The following TBXAS1 variants were observed in gnomAD, a reference collection of about 807,000 sequenced individuals.
TBXAS1 encodes the protein thromboxane-A synthase.
TBXAS1 carries 48 observed loss-of-function variants against 60.7 expected under a neutral mutation model. The observed-to-expected ratio is 0.79, with a 90% CI of 0.63 to 1.01. TBXAS1 has a LOEUF of 1.01. Ranked by LOEUF, TBXAS1 falls within the 50% of genes least tolerant of loss-of-function variation. The pLI is 0.00. For synonymous variants in TBXAS1, 287 were observed against 269.7 expected (o/e 1.06, Z -0.63); for missense variants, 685 against 686.3 (o/e 1.00, Z 0.02).
intron 9 of TBXAS1, among the ~76,000 whole-genome samples, chr7:139,986,506 C>T (rs955803214): frequency 6.6e-6 from 1 of 151,314 alleles, no homozygotes; most frequent in Non-Finnish European, 1.5e-5. Flanking sequence ...GTCTTTTATC[C>T]CTCACCCCCT....
chr7:139,825,315 C>T (rs73733506), upstream of TBXAS1, among the ~76,000 whole-genome samples: 9,316 of 152,140 alleles, frequency 0.061, 951 homozygotes, highest in African/African-American at 0.21. Context: ...AGTAAAAACC[C>T]CGAGCATCTC....
intron 4 of TBXAS1, among the ~76,000 whole-genome samples, chr7:139,788,612 G>C (rs1797275636): frequency 6.6e-6 from 1 of 152,218 alleles, no homozygotes; most frequent in African/African-American, 2.4e-5. Flanking sequence ...CAATTCTCTT[G>C]TACTTTGGAG....
intron 9 of TBXAS1, among the ~76,000 whole-genome samples, chr7:139,968,336 C>T (rs1810943671): frequency 6.6e-6 from 1 of 152,146 alleles, no homozygotes; most frequent in South Asian, 2.1e-4. Context: ...GCTCTGTCGC[C>T]CAGGCTGGTG....
chr7:139,965,793 T>C (rs1380144204), intron 9 of TBXAS1, among the ~76,000 whole-genome samples: 4 of 152,220 alleles, frequency 2.6e-5, no homozygotes, highest in African/African-American at 9.6e-5. Flanking sequence ...GTCACAATAA[T>C]GTTGCTTTGC....
chr7:139,942,613 C>T (rs1445863717), intron 5 of TBXAS1, among the ~76,000 whole-genome samples: 2 of 152,132 alleles, frequency 1.3e-5, no homozygotes, highest in Non-Finnish European at 2.9e-5. Context: ...CTGATGGTAC[C>T]CCATTGAGCA....
chr7:139,883,352 C>T (rs776359980), intron 3 of TBXAS1, among the ~76,000 whole-genome samples: 3 of 152,150 alleles, frequency 2.0e-5, no homozygotes, highest in East Asian at 1.9e-4. Flanking sequence ...ATCCAAAGAC[C>T]CTTCTGAAGT....
chr7:139,876,122 T>G (rs565748416), intron 3 of TBXAS1, among the ~76,000 whole-genome samples: 1 of 152,322 alleles, frequency 6.6e-6, no homozygotes, highest in East Asian at 1.9e-4. Context: ...AGTTCCCTTT[T>G]GAAAGTGAAA....
At chr7:139,821,225 G>C (rs1164301998) in intron 4 of TBXAS1, among the ~76,000 whole-genome samples, 2 of 152,170 alleles carry the variant, frequency 1.3e-5, no homozygotes, top group African/African-American at 4.8e-5. Flanking sequence ...ATGGGATGAG[G>C]TTAATGGAGA....
intron 8 of TBXAS1, among the ~76,000 whole-genome samples, chr7:139,958,601 T>C (rs1810064404): frequency 6.6e-6 from 1 of 152,154 alleles, no homozygotes; most frequent in African/African-American, 2.4e-5. Flanking sequence ...CTCAGAGGAA[T>C]TGGTGAGGGC....
chr7:139,788,066 A>G (rs1039223983), intron 4 of TBXAS1, among the ~76,000 whole-genome samples: 1 of 152,224 alleles, frequency 6.6e-6, no homozygotes, highest in African/African-American at 2.4e-5. Flanking sequence ...ATCTGCAACA[A>G]TTGTCAATCT....
intron 3 of TBXAS1, among the ~76,000 whole-genome samples, chr7:139,892,191 C>T (rs934456156): frequency 2.0e-5 from 3 of 152,152 alleles, no homozygotes; most frequent in South Asian, 4.1e-4. Flanking sequence ...GCTGGCCGTA[C>T]CAGAAAGAGC....
chr7:139,849,691 G>A (rs997174433), intron 1 of TBXAS1, among the ~76,000 whole-genome samples: 28 of 152,190 alleles, frequency 1.8e-4, no homozygotes, highest in African/African-American at 6.5e-4. Flanking sequence ...TGGGGGATGG[G>A]ATGGGGCGGG....
chr7:139,973,555 CTTTTTT>C (rs8192843), intron 9 of TBXAS1, among the ~76,000 whole-genome samples: 1 of 137,506 alleles, frequency 7.3e-6, no homozygotes, highest in South Asian at 2.3e-4. Context: ...GGTGAGCTTT[CTTTTTT>C]TTTTTTTTTT....
Position 139,985,072 on chromosome 7 carries a change from T to A in TBXAS1, c.1135-22019T>A, listed in dbSNP as rs184709377. ...TCCCCAGGATTCTGCTGGAGATCAT[T>A]CTGCCAGTCACTCCAGGAGCGAGGG... On this transcript the variant is annotated intron_variant, in intron 9 of 12. Transcript: ENST00000448866. Among the ~76,000 whole-genome samples, 196 of 152,316 alleles carry A rather than the reference T, an allele frequency of 1.3e-3. 1 individual carries two copies. The highest frequency in any genetic ancestry group is 4.6e-3 in the African/African-American group (190 of 41,564).
intron 9 of TBXAS1, among the ~76,000 whole-genome samples, chr7:139,966,328 C>T (rs1810783476): frequency 1.3e-5 from 2 of 152,224 alleles, no homozygotes; most frequent in South Asian, 4.1e-4. Flanking sequence ...GGCATCAGTT[C>T]AGACTCTTCT....
intron 1 of TBXAS1, among the ~76,000 whole-genome samples, chr7:139,837,234 T>G (rs572516182): frequency 7.7e-4 from 118 of 152,362 alleles, no homozygotes; most frequent in African/African-American, 2.7e-3. Context: ...ACAGCCACTA[T>G]GGAAAACAGT....
chr7:139,858,802 C>T (rs1364624899), intron 1 of TBXAS1, among the ~76,000 whole-genome samples: 4 of 152,196 alleles, frequency 2.6e-5, no homozygotes, highest in Non-Finnish European at 5.9e-5. Context: ...AGTGAGATCA[C>T]TTTAGAAGGT....
rs570952479 is a variant in TBXAS1 at position 139,910,894 on chromosome 7, T to C, written c.237-331T>C. ...TTCTTTGTCTTACTACTGGATCTTA[T>C]GAACCCTTTATTATTACATTTACAT... On this transcript the variant is annotated intron_variant, in intron 3 of 12. Transcript: ENST00000448866. Among the ~76,000 whole-genome samples the C allele has an allele frequency of 2.0e-5, 3 of 152,352 alleles. No individual in the cohort carries two copies. In the East Asian group the frequency reaches 5.8e-4, roughly 29 times the overall value.
chr7:139,966,323 C>A (rs1049979919), intron 9 of TBXAS1, among the ~76,000 whole-genome samples: 1 of 152,204 alleles, frequency 6.6e-6, no homozygotes, highest in African/African-American at 2.4e-5. Flanking sequence ...TGCATGGCAT[C>A]AGTTCAGACT....
Sources: gnomAD v4.1 joint callset for allele counts (sites outside exome capture counted in the v4.1 genomes callset) on GRCh38, gnomAD v4.1.1 for gene constraint, MANE v1.5 for transcripts, NCBI Gene and HGNC (gene_info 2026-07-23, HGNC 2026-07-21) for gene names.